SAP18: variants seen among roughly 807,000 people sequenced by gnomAD.
The protein encoded by SAP18 is histone deacetylase complex subunit SAP18.
Under a neutral mutation model 18.6 loss-of-function variants are expected in SAP18, and 4 were observed. That is an observed-to-expected ratio of 0.21 (90% CI 0.11 to 0.49). The LOEUF is 0.49. Among genes scored for constraint, SAP18 ranks in the 20% least tolerant of loss-of-function variants. The pLI is 0.98. For missense variants in SAP18, 170 were observed against 226.4 expected (o/e 0.75, Z 1.60); for synonymous variants, 112 against 82.8 (o/e 1.35, Z -1.92).
exon 4 of SAP18, chr13:21,148,051 C>G (rs1046530): frequency 0.42 from 64,151 of 151,842 alleles, 14,750 homozygotes; most frequent in East Asian, 0.66. Context: ...ATCTTAAGAC[C>G]GAGGGAGAAG....
intron 2 of SAP18, among the ~76,000 whole-genome samples, chr13:21,144,405 C>CAAAA (rs36115551): frequency 3.1e-5 from 2 of 64,632 alleles, no homozygotes; most frequent in Non-Finnish European, 2.7e-5. Context: ...GACTCCATCT[C>CAAAA]AAAAAAAAAA....
exon 4 of SAP18, chr13:21,148,637 TCTGTG>T (rs1179505357): frequency 1.3e-5 from 2 of 152,168 alleles, no homozygotes; most frequent in Non-Finnish European, 2.9e-5. Flanking sequence ...TGGTGCTTCT[TCTGTG>T]CTGTGGTTTA....
At chr13:21,140,332 T>C (rs1465504805), upstream of SAP18, among the ~76,000 whole-genome samples, 1 of 152,160 alleles carries the variant, frequency 6.6e-6, no homozygotes, top group African/African-American at 2.4e-5. Context: ...CTGTGAATAT[T>C]TAAGGGAAAA....
intron 2 of SAP18, chr13:21,146,536 A>C (rs1403390219): frequency 7.9e-6 from 2 of 254,148 alleles, no homozygotes; most frequent in Non-Finnish European, 1.5e-5. Flanking sequence ...TTGTGTAGCA[A>C]CAGAAGATAG....
At chr13:21,142,112 C>A (rs1595288558) in intron 2 of SAP18, among the ~76,000 whole-genome samples, 1 of 149,478 alleles carries the variant, frequency 6.7e-6, no homozygotes, top group Non-Finnish European at 1.5e-5. Flanking sequence ...CGTGATGAAA[C>A]CCTGTCTCTA....
chr13:21,141,647 T>C (rs1021966967), intron 2 of SAP18: 16 of 153,426 alleles, frequency 1.0e-4, no homozygotes, highest in African/African-American at 3.8e-4. Context: ...AGGTGTGTAA[T>C]TGAAAAATAT....
Position 21,141,005 on chromosome 13 carries a change from G to T in SAP18, c.239+10G>T. ...TGCAGATCTACACTTGGTGAGGAGG[G>T]CGGGGTGGCCTCAGGGACCCGGGCC... On this transcript the variant is annotated intron_variant, in intron 2 of 3. Transcript: ENST00000621421. The T allele has an allele frequency of 6.3e-7, 1 of 1,586,186 alleles. No individual in the cohort carries two copies.
exon 4 of SAP18, chr13:21,147,294 C>A: frequency 1.2e-6 from 2 of 1,613,964 alleles, no homozygotes; most frequent in Non-Finnish European, 1.7e-6. Flanking sequence ...TAGCAATTAC[C>A]CCTCCAAATC....
At chr13:21,144,771 T>C (rs1485573541) in intron 2 of SAP18, among the ~76,000 whole-genome samples, 2 of 152,122 alleles carry the variant, frequency 1.3e-5, no homozygotes, top group Non-Finnish European at 2.9e-5. Context: ...GGCACTCCAA[T>C]TGTTGGTCTG....
chr13:21,144,767 C>A (rs1252177041), intron 2 of SAP18, among the ~76,000 whole-genome samples: 3 of 152,130 alleles, frequency 2.0e-5, no homozygotes, highest in Non-Finnish European at 4.4e-5. Context: ...ACTTGGCACT[C>A]CAATTGTTGG....
intron 2 of SAP18, among the ~76,000 whole-genome samples, chr13:21,146,040 TAAGA>T (rs1472108458): frequency 6.6e-6 from 1 of 152,126 alleles, no homozygotes; most frequent in South Asian, 2.1e-4. Flanking sequence ...CAATTCTATC[TAAGA>T]AAGAAGAAAC....
At chr13:21,147,400 T>G in exon 4 of SAP18, 1 of 1,433,138 alleles carries the variant, frequency 7.0e-7, no homozygotes, top group Non-Finnish European at 9.6e-7. Flanking sequence ...ATAAACATAC[T>G]CTTCTTCCTC....
chr13:21,141,323 C>T, intron 2 of SAP18: 1 of 341,370 alleles, frequency 2.9e-6, no homozygotes, highest in Non-Finnish European at 5.6e-6. Context: ...GACTCATAGT[C>T]AAATAAATTG....
chr13:21,147,830 G>T (rs1179401649), exon 4 of SAP18: 1 of 153,508 alleles, frequency 6.5e-6, no homozygotes, highest in Non-Finnish European at 1.4e-5. Context: ...TGAAGAAGCT[G>T]TGTTGGACGA....
chr13:21,140,873 C>A lies in SAP18; in HGVS notation c.130-13C>A. 6.2e-7 allele frequency: 1 copy of A among 1,610,342 alleles called. No individual in the cohort carries two copies. Among genetic ancestry groups the A allele is most frequent in the Non-Finnish European group, 8.5e-7 (1 of 1,176,680 alleles). ...TTTTTAACTTCTGCCCTTCCGTTTTCTCTCTCCCTCAGACATGCCCACTGT... is the reference window on the plus strand; with the variant it reads ...TTTTTAACTTCTGCCCTTCCGTTTTATCTCTCCCTCAGACATGCCCACTGT... On this transcript the variant is annotated splice_polypyrimidine_tract_variant and intron_variant, in intron 1 of 3. Transcript: ENST00000621421.
At chr13:21,141,974 A>AT (rs936139654) in intron 2 of SAP18, among the ~76,000 whole-genome samples, 1 of 150,200 alleles carries the variant, frequency 6.7e-6, no homozygotes, top group Non-Finnish European at 1.5e-5. Context: ...CCTAAAATAA[A>AT]TTTTTTATTG....
At chr13:21,140,969 G>C in exon 2 of SAP18, 1 of 1,596,788 alleles carries the variant, frequency 6.3e-7, no homozygotes, top group South Asian at 1.1e-5. Flanking sequence ...GAAATGTACC[G>C]TCCAGCGAGT....
chr13:21,145,630 C>T (rs975213685), intron 2 of SAP18, among the ~76,000 whole-genome samples: 4 of 152,110 alleles, frequency 2.6e-5, no homozygotes, highest in Admixed American at 6.6e-5. Context: ...CTCAGCCTCT[C>T]GAGTAGCTGG....
chr13:21,144,384 C>T lies in SAP18; in HGVS notation c.240-2421C>T, dbSNP rs144164256. Among the ~76,000 whole-genome samples the T allele has an allele frequency of 1.8e-3, 214 of 115,824 alleles. 1 individual carries two copies. The highest frequency in any genetic ancestry group is 5.8e-3 in the African/African-American group (172 of 29,846). The allele number at this position is 115,824 out of a possible 152,430, so 76.0% of individuals were successfully genotyped here. A position where few individuals can be genotyped will look rare whatever the true frequency, so the allele number is the denominator to read the frequency against. On this transcript the variant is annotated intron_variant, in intron 2 of 3. Coordinates refer to ENST00000621421, the Ensembl canonical transcript of SAP18. ...CAGCGCCACTGCACTCCAGCCCGGG[C>T]GACAGAGCGGGACTCCATCTCAAAA...
Sources: allele counts gnomAD v4.1 joint callset (sites outside exome capture counted in the v4.1 genomes callset), GRCh38; gene constraint gnomAD v4.1.1; transcripts MANE v1.5; gene names NCBI Gene and HGNC (gene_info 2026-07-23, HGNC 2026-07-21).